Variants in ILRUN observed in about 807,000 individuals in gnomAD.
The protein encoded by ILRUN is inflammation and lipid regulator with UBA-like and NBR1-like domains.
In ILRUN, 3 loss-of-function variants were observed where a neutral mutation model predicts 33.8. The observed-to-expected ratio is 0.09, with a 90% CI of 0.04 to 0.23. The LOEUF (loss-of-function observed/expected upper bound fraction) is 0.23, where lower values mean the gene tolerates loss of function less well. Ranked by LOEUF, ILRUN falls within the 10% of genes least tolerant of loss-of-function variation. ILRUN has a pLI of 1.00. For missense variants in ILRUN, 210 were observed against 375.1 expected (o/e 0.56, Z 3.64); for synonymous variants, 124 against 138.9 (o/e 0.89, Z 0.75).
At position 34,605,231 on chromosome 6, in the gene ILRUN, G is replaced by A. The variant is rs533878406; in HGVS notation, c.861+1324C>T. Among the ~76,000 whole-genome samples, 11 of 150,746 alleles carry A rather than the reference G, an allele frequency of 7.3e-5. No individual in the cohort carries two copies. In the East Asian group the frequency reaches 7.8e-4, roughly 11 times the overall value. On this transcript the variant is annotated intron_variant, in intron 4 of 4. Transcript: ENST00000374023. ...TGAGGCAGGAGAATCACTTGAACCC[G>A]GGAGGCAGAGGTTGCAGTGAGCCGA... is the stretch of plus-strand genomic sequence containing the variant.
At chr6:34,642,817 G>A (rs1176297404) in intron 3 of ILRUN, among the ~76,000 whole-genome samples, 2 of 103,802 alleles carry the variant, frequency 1.9e-5, no homozygotes, top group Non-Finnish European at 3.5e-5. Flanking sequence ...GGGAGGTCCC[G>A]TCTCTACCAA....
At position 34,640,289 on chromosome 6, in the gene ILRUN, T is replaced by TGA. The variant is rs367925201; in HGVS notation, c.511+6310_511+6311dup. On this transcript the variant is annotated intron_variant, in intron 3 of 4. Transcript: ENST00000374023. ...CGAAAGCACGCCCACTGAGAAACTC[T>TGA]GAGAGAGCACAGCCAAGCTGAAACA... Among the ~76,000 whole-genome samples, 532 of 151,056 alleles carry TGA rather than the reference T, an allele frequency of 3.5e-3. 2 individuals are homozygous for TGA. The highest frequency in any genetic ancestry group is 7.1e-3 in the Admixed American group (108 of 15,170).
intron 3 of ILRUN, among the ~76,000 whole-genome samples, chr6:34,633,637 A>G (rs1762290672): frequency 1.3e-5 from 2 of 150,262 alleles, no homozygotes. Context: ...GACTCCTTGA[A>G]GCCAGTAGTT....
intron 2 of ILRUN, among the ~76,000 whole-genome samples, chr6:34,653,267 G>A (rs1762707328): frequency 6.6e-6 from 1 of 151,162 alleles, no homozygotes; most frequent in Non-Finnish European, 1.5e-5. Context: ...GTCTCACTCT[G>A]TCACCCAGCC....
At chr6:34,616,169 C>T (rs574666175) in intron 3 of ILRUN, among the ~76,000 whole-genome samples, 1 of 152,306 alleles carries the variant, frequency 6.6e-6, no homozygotes, top group South Asian at 2.1e-4. Context: ...AACCACCACT[C>T]CTTGTGCCTG....
rs1210949140 is a variant in ILRUN at position 34,696,502 on chromosome 6, C to G, written c.102G>C (p.Leu34=). Reference sequence around the variant, plus strand: ...CGGCAGGATTGAGCTGGAAGCCGAGCAGCCTCTGGAACTCGGAGATGAGCA... The same window carrying G: ...CGGCAGGATTGAGCTGGAAGCCGAGGAGCCTCTGGAACTCGGAGATGAGCA... ...KDVLISEFQR[L]LGFQLNPAGC... The change falls in exon 1 of 5, where the codon CTG becomes CTC. Residue 34 remains leucine (L), a synonymous_variant. Coordinates refer to ENST00000374023, the MANE Select transcript of ILRUN (RefSeq NM_024294.4). 1.2e-6 allele frequency: 2 copies of G among 1,612,344 alleles called. No individual in the cohort carries two copies. Among genetic ancestry groups the G allele is most frequent in the Non-Finnish European group, 1.7e-6 (2 of 1,179,520 alleles).
intron 1 of ILRUN, among the ~76,000 whole-genome samples, chr6:34,676,715 T>C (rs1270112272): frequency 2.4e-4 from 36 of 151,982 alleles, no homozygotes; most frequent in Admixed American, 2.3e-3. Flanking sequence ...ATATAAAATA[T>C]AGCCATCACA....
chr6:34,599,341 A>G (rs955007177), intron 4 of ILRUN, among the ~76,000 whole-genome samples: 1 of 152,252 alleles, frequency 6.6e-6, no homozygotes, highest in African/African-American at 2.4e-5. Context: ...TTAGACAGAT[A>G]GTGTTAAACT....
At chr6:34,658,338 ACT>A (rs1762817121) in intron 1 of ILRUN, among the ~76,000 whole-genome samples, 1 of 143,192 alleles carries the variant, frequency 7.0e-6, no homozygotes, top group Non-Finnish European at 1.5e-5. Context: ...ACAAAGTGAG[ACT>A]CTGTCTCAAA....
At chr6:34,665,292 C>CAAAAA (rs60761039) in intron 1 of ILRUN, among the ~76,000 whole-genome samples, 1 of 76,408 alleles carries the variant, frequency 1.3e-5, no homozygotes, top group Non-Finnish European at 2.7e-5. Context: ...CCCTTTTCTA[C>CAAAAA]AAAAAAAAAA....
intron 1 of ILRUN, among the ~76,000 whole-genome samples, chr6:34,680,163 C>T (rs1008768161): frequency 8.5e-5 from 13 of 152,302 alleles, no homozygotes; most frequent in African/African-American, 3.1e-4. Context: ...GTTATTTAAC[C>T]TCTCTAAGCC....
chr6:34,664,089 C>G (rs142631477), intron 1 of ILRUN, among the ~76,000 whole-genome samples: 3 of 152,268 alleles, frequency 2.0e-5, no homozygotes, highest in East Asian at 3.9e-4. Flanking sequence ...TCAAAAGGAA[C>G]AGAGTGTTGA....
intron 2 of ILRUN, among the ~76,000 whole-genome samples, chr6:34,653,949 C>T (rs1171350907): frequency 1.6e-5 from 2 of 122,516 alleles, no homozygotes; most frequent in African/African-American, 6.7e-5. Flanking sequence ...CCAGCCTGGG[C>T]AACAGAGCGA....
intron 1 of ILRUN, among the ~76,000 whole-genome samples, chr6:34,678,836 C>CAAAAAAAAAAAA (rs767799882): frequency 1.2e-3 from 56 of 47,696 alleles, no homozygotes; most frequent in South Asian, 1.7e-3. Context: ...GACTCCGTCT[C>CAAAAAAAAAAAA]AAAAAAAAAA....
chr6:34,666,231 T>C (rs1013216065), intron 1 of ILRUN, among the ~76,000 whole-genome samples: 4 of 152,178 alleles, frequency 2.6e-5, no homozygotes, highest in African/African-American at 9.6e-5. Context: ...TGTGGACATA[T>C]TTGGCTGCTT....
intron 2 of ILRUN, among the ~76,000 whole-genome samples, chr6:34,653,175 A>AAAG (rs1762704884): frequency 6.6e-6 from 1 of 151,534 alleles, no homozygotes. Context: ...AGAAAGAAAA[A>AAAG]AAATTTAGAC....
intron 3 of ILRUN, among the ~76,000 whole-genome samples, chr6:34,626,413 G>A (rs1762131589): frequency 6.6e-6 from 1 of 152,136 alleles, no homozygotes; most frequent in Non-Finnish European, 1.5e-5. Context: ...TAGGCCTCAA[G>A]CAGTCCTCCT....
intron 1 of ILRUN, among the ~76,000 whole-genome samples, chr6:34,683,632 G>A (rs1231651946): frequency 6.6e-6 from 1 of 151,202 alleles, no homozygotes; most frequent in East Asian, 1.9e-4. Flanking sequence ...CTGGAAACAG[G>A]AGGGGTTTAT....
intron 4 of ILRUN, among the ~76,000 whole-genome samples, chr6:34,601,900 G>A (rs1021827020): frequency 1.3e-5 from 2 of 151,980 alleles, no homozygotes; most frequent in Non-Finnish European, 2.9e-5. Flanking sequence ...GGTGGGGGTG[G>A]GGGAAGAGAA....
Sources: gnomAD v4.1 joint callset for allele counts (sites outside exome capture counted in the v4.1 genomes callset) on GRCh38, gnomAD v4.1.1 for gene constraint, MANE v1.5 for transcripts, NCBI Gene and HGNC (gene_info 2026-07-23, HGNC 2026-07-21) for gene names.